Variants in EFL1 observed in about 807,000 individuals in gnomAD.
EFL1 encodes elongation factor like GTPase 1.
Under a neutral mutation model 126.7 loss-of-function variants are expected in EFL1, and 76 were observed. The ratio of observed to expected loss-of-function variants is 0.60; its 90% confidence interval spans 0.50 to 0.73. The LOEUF (loss-of-function observed/expected upper bound fraction) is 0.73. Among genes scored for constraint, EFL1 ranks in the 30% least tolerant of loss-of-function variants. The pLI, the probability that EFL1 is intolerant of heterozygous loss-of-function variation, is 0.00. For missense variants in EFL1, 1,128 were observed against 1,343.2 expected (o/e 0.84, Z 2.50); for synonymous variants, 410 against 448.4 (o/e 0.91, Z 1.08).
chr15:82,212,630 T>C (rs527860165), intron 15 of EFL1, among the ~76,000 whole-genome samples: 1 of 152,244 alleles, frequency 6.6e-6, no homozygotes, highest in African/African-American at 2.4e-5. Context: ...TTCTCTTTAA[T>C]GTAAAGAAAA....
At chr15:82,146,251 T>C (rs1262795397) in intron 18 of EFL1, among the ~76,000 whole-genome samples, 3 of 152,110 alleles carry the variant, frequency 2.0e-5, no homozygotes, top group Admixed American at 2.0e-4. Context: ...AAACTAACTT[T>C]TAAAAAAAGA....
intron 9 of EFL1, 71 bp downstream of exon 9, chr15:82,228,963 C>T: frequency 1.6e-6 from 2 of 1,242,882 alleles, no homozygotes; most frequent in South Asian, 2.9e-5. Flanking sequence ...TGAAATATGA[C>T]TCATCAAACT....
intron 6 of EFL1, among the ~76,000 whole-genome samples, chr15:82,240,196 G>C (rs1446279276): frequency 6.6e-6 from 1 of 152,250 alleles, no homozygotes; most frequent in Non-Finnish European, 1.5e-5. Context: ...TTAAACAAGA[G>C]AGCCTATTGT....
rs977289244 is a variant in EFL1, at chr15:82,224,909, C to T, written c.1292+256G>A. Among the ~76,000 whole-genome samples, 11 of 152,352 alleles carry T rather than the reference C, an allele frequency of 7.2e-5. 1 individual carries two copies. The highest frequency in any genetic ancestry group is 2.2e-4 in the African/African-American group (9 of 41,588). On this transcript the variant is annotated intron_variant, in intron 12 of 19. Coordinates refer to ENST00000268206, the MANE Select transcript of EFL1 (RefSeq NM_024580.6). ...TAATAAAAGTTAATTGTTGCTACTA[C>T]TGCTAACATACTCTTCAAACTTACA...
intron 15 of EFL1, among the ~76,000 whole-genome samples, chr15:82,209,556 T>C (rs1282157192): frequency 6.6e-6 from 1 of 152,192 alleles, no homozygotes; most frequent in Non-Finnish European, 1.5e-5. Flanking sequence ...GGCTAAAGAT[T>C]TGGAATCCTA....
intron 4 of EFL1, among the ~76,000 whole-genome samples, chr15:82,249,013 G>T (rs1372093600): frequency 1.3e-5 from 2 of 152,026 alleles, no homozygotes; most frequent in African/African-American, 2.4e-5. Flanking sequence ...ACCTCACAGT[G>T]TGTGCATACA....
chr15:82,169,135 T>G (rs1264838693), intron 15 of EFL1, among the ~76,000 whole-genome samples: 1 of 151,894 alleles, frequency 6.6e-6, no homozygotes, highest in African/African-American at 2.4e-5. Context: ...AGTGTGGGGG[T>G]CTAGGATTAA....
intron 16 of EFL1, among the ~76,000 whole-genome samples, chr15:82,163,362 G>A (rs1352925596): frequency 1.3e-5 from 2 of 152,120 alleles, no homozygotes; most frequent in Non-Finnish European, 2.9e-5. Context: ...GCCAACTGGC[G>A]AAACCCCGTA....
chr15:82,206,276 T>C (rs1299166735), intron 15 of EFL1, among the ~76,000 whole-genome samples: 1 of 152,002 alleles, frequency 6.6e-6, no homozygotes, highest in Admixed American at 6.5e-5. Context: ...AACCAAGACT[T>C]AAAGATGATA....
At chr15:82,196,989 A>G (rs2074414988) in intron 15 of EFL1, among the ~76,000 whole-genome samples, 1 of 151,572 alleles carries the variant, frequency 6.6e-6, no homozygotes, top group Non-Finnish European at 1.5e-5. Context: ...CCGAGATTGC[A>G]CCATTGCACT....
At chr15:82,188,262 G>A (rs989258813) in intron 15 of EFL1, among the ~76,000 whole-genome samples, 3 of 152,044 alleles carry the variant, frequency 2.0e-5, no homozygotes, top group African/African-American at 4.8e-5. Context: ...CAATATAAGC[G>A]TCATTGTCTT....
Position 82,202,832 on chromosome 15 carries a change from G to A in EFL1, c.1750+11885C>T, listed in dbSNP as rs554273744. Among the ~76,000 whole-genome samples the A allele has an allele frequency of 1.9e-3, 264 of 135,900 alleles. 1 individual carries two copies. The highest frequency in any genetic ancestry group is 3.0e-3 in the Non-Finnish European group (192 of 64,258). The allele number at this position is 135,900 out of a possible 152,430, so 89.2% of individuals were successfully genotyped here. On this transcript the variant is annotated intron_variant, in intron 15 of 19. Coordinates refer to ENST00000268206, the MANE Select transcript of EFL1 (RefSeq NM_024580.6). ...TTCCCTAATTTTTTTTTTTTTTTGA[G>A]ACGGAGTCTTGCTCTGTCGTCCAGG... is the stretch of plus-strand genomic sequence containing the variant.
intron 18 of EFL1, among the ~76,000 whole-genome samples, chr15:82,139,733 T>C (rs1350165679): frequency 6.6e-6 from 1 of 152,254 alleles, no homozygotes; most frequent in East Asian, 1.9e-4. Context: ...AAAATAATTT[T>C]AGTTACATAA....
chr15:82,207,784 G>A (rs60341871), intron 15 of EFL1, among the ~76,000 whole-genome samples: 16,771 of 150,334 alleles, frequency 0.11, 1,839 homozygotes, highest in African/African-American at 0.28. Context: ...GCAATGGTGC[G>A]GGCTCGGCTC....
At chr15:82,202,598 G>A (rs1202162785) in intron 15 of EFL1, among the ~76,000 whole-genome samples, 5 of 152,120 alleles carry the variant, frequency 3.3e-5, no homozygotes, top group Non-Finnish European at 4.4e-5. Flanking sequence ...ACCAAGGATC[G>A]GTGAGGCAGA....
At chr15:82,241,919 G>A (rs1249758649) in intron 4 of EFL1, among the ~76,000 whole-genome samples, 1 of 152,194 alleles carries the variant, frequency 6.6e-6, no homozygotes, top group Non-Finnish European at 1.5e-5. Context: ...AACTTAAGGA[G>A]CAGTTACTAT....
At position 82,259,166 on chromosome 15, in the gene EFL1, A is replaced by G. The variant is rs763382710; in HGVS notation, c.92-11T>C. On this transcript the variant is annotated splice_polypyrimidine_tract_variant and intron_variant, in intron 2 of 19. Coordinates refer to ENST00000268206, the MANE Select transcript of EFL1 (RefSeq NM_024580.6). ...CCAGAGTAGTTTTTCCTGTTAAAAT[A>G]GCAACATCAATTCAAATCTATATCT... The G allele has an allele frequency of 1.2e-6, 2 of 1,611,468 alleles. No homozygotes were observed. The highest frequency in any genetic ancestry group is 1.7e-6 in the Non-Finnish European group (2 of 1,177,600).
intron 6 of EFL1, 94 bp from the exon 7 acceptor site, chr15:82,238,615 C>T: frequency 8.8e-7 from 1 of 1,133,538 alleles, no homozygotes; most frequent in African/African-American, 1.6e-5. Flanking sequence ...GGGCTAGAAT[C>T]ATTAGTCAGT....
rs976156443 is a variant in EFL1, at chr15:82,229,167, T to A, written c.856-57A>T. ...TGAACATTTAATAGGCATTTATATA[T>A]TCCTTCTTGACATGCTTTTATTATC... On this transcript the variant is annotated intron_variant, in intron 8 of 19. Coordinates refer to ENST00000268206, the MANE Select transcript of EFL1 (RefSeq NM_024580.6). The A allele has an allele frequency of 3.1e-6, 4 of 1,306,470 alleles. No homozygotes were observed. The African/African-American group carries it at 6.0e-5, about 20-fold the overall frequency. 80.9% of individuals were successfully genotyped at this position (1,306,470 alleles called of 1,614,324 possible). A position where few individuals can be genotyped will look rare whatever the true frequency, so the allele number is the denominator to read the frequency against.
Sources: gnomAD v4.1 joint callset for allele counts (sites outside exome capture counted in the v4.1 genomes callset) on GRCh38, gnomAD v4.1.1 for gene constraint, MANE v1.5 for transcripts, NCBI Gene and HGNC (gene_info 2026-07-23, HGNC 2026-07-21) for gene names.